The following PSD3 variants were observed in gnomAD, a reference collection of about 807,000 sequenced individuals.
PSD3 encodes PH and SEC7 domain-containing protein 3.
A neutral mutation model predicts 105.5 loss-of-function variants in PSD3; 49 were observed. That is an observed-to-expected ratio of 0.46 (90% CI 0.37 to 0.59). The LOEUF (loss-of-function observed/expected upper bound fraction) is 0.59, where lower values mean the gene tolerates loss of function less well. PSD3 is among the 20% of genes least tolerant of loss of function. PSD3 has a pLI of 0.00. For missense variants in PSD3, 1,561 were observed against 1,263.8 expected (o/e 1.24, Z -3.57); for synonymous variants, 557 against 457.8 (o/e 1.22, Z -2.77).
chr8:19,017,672 T>G (rs150519503), upstream of PSD3, among the ~76,000 whole-genome samples: 38 of 152,370 alleles, frequency 2.5e-4, no homozygotes, highest in East Asian at 7.1e-3. Context: ...ATGTGGTCTT[T>G]GTGACTGGCT....
intron 4 of PSD3, among the ~76,000 whole-genome samples, chr8:18,805,502 T>G (rs1811122329): frequency 6.6e-6 from 1 of 152,206 alleles, no homozygotes; most frequent in Non-Finnish European, 1.5e-5. Flanking sequence ...GTGGATATTC[T>G]TTTTTGATAC....
chr8:18,848,611 C>G (rs1274822236), intron 4 of PSD3, among the ~76,000 whole-genome samples: 1 of 152,220 alleles, frequency 6.6e-6, no homozygotes, highest in Admixed American at 6.5e-5. Flanking sequence ...TATGTTCTCT[C>G]TCATGTAGGG....
At chr8:18,566,768 A>C (rs1229542226) in intron 14 of PSD3, among the ~76,000 whole-genome samples, 1 of 151,854 alleles carries the variant, frequency 6.6e-6, no homozygotes, top group Non-Finnish European at 1.5e-5. Flanking sequence ...TCAATCCCTA[A>C]TTGTGATTAT....
intron 1 of PSD3, among the ~76,000 whole-genome samples, chr8:19,036,318 G>A (rs776838663): frequency 8.6e-5 from 13 of 152,000 alleles, no homozygotes; most frequent in Non-Finnish European, 1.8e-4. Flanking sequence ...TACCAGGAAG[G>A]TGCAGTTCCA....
At chr8:18,587,670 C>T (rs1001404538) in intron 12 of PSD3, among the ~76,000 whole-genome samples, 2 of 152,126 alleles carry the variant, frequency 1.3e-5, no homozygotes, top group Non-Finnish European at 2.9e-5. Context: ...GCTTAGGGGG[C>T]CTTCTTCAGT....
chr8:18,955,326 G>C (rs1242472819), intron 1 of PSD3, among the ~76,000 whole-genome samples: 1 of 152,122 alleles, frequency 6.6e-6, no homozygotes, highest in Non-Finnish European at 1.5e-5. Context: ...CTGCAGCCTT[G>C]AACTCCAGGA....
At chr8:18,589,325 C>T (rs908111706) in intron 12 of PSD3, among the ~76,000 whole-genome samples, 1 of 152,116 alleles carries the variant, frequency 6.6e-6, no homozygotes, top group African/African-American at 2.4e-5. Flanking sequence ...CTTGTCATGA[C>T]CCTCAAAGTA....
chr8:18,819,012 G>A lies in PSD3; in HGVS notation c.1635-14114C>T, dbSNP rs1347981296. On this transcript the variant is annotated intron_variant, in intron 4 of 15. Transcript: ENST00000327040. Reference sequence around the variant, plus strand: ...ATCCAGAGGAATTGTGGAGTAATCTGGACAAGCACCTACCTCTAGGCCACA... The same window carrying A: ...ATCCAGAGGAATTGTGGAGTAATCTAGACAAGCACCTACCTCTAGGCCACA... 3.9e-5 allele frequency among the ~76,000 whole-genome samples: 6 copies of A among 151,934 alleles called. No individual in the cohort carries two copies. In the East Asian group the frequency reaches 9.7e-4, roughly 25 times the overall value.
intron 4 of PSD3, among the ~76,000 whole-genome samples, chr8:18,816,221 T>G (rs2638663): frequency 0.54 from 81,636 of 152,070 alleles, 22,572 homozygotes; most frequent in East Asian, 0.89. Flanking sequence ...GTTTACTCTG[T>G]TTAATACACT....
intron 8 of PSD3, among the ~76,000 whole-genome samples, chr8:18,766,726 T>C (rs1444496509): frequency 1.3e-5 from 2 of 152,216 alleles, no homozygotes; most frequent in Non-Finnish European, 2.9e-5. Flanking sequence ...AAGGTATTTA[T>C]TACTTACACT....
chr8:18,805,041 T>A, intron 4 of PSD3, 143 bp from the exon 5 acceptor site: 2 of 759,706 alleles, frequency 2.6e-6, no homozygotes, highest in South Asian at 4.3e-5. Context: ...CATAAAAATT[T>A]TTTCAGTTAC....
At chr8:18,579,654 G>A (rs1309815102) in intron 12 of PSD3, among the ~76,000 whole-genome samples, 1 of 152,100 alleles carries the variant, frequency 6.6e-6, no homozygotes, top group East Asian at 1.9e-4. Flanking sequence ...CTCTTGTGAA[G>A]TTGAATCTTA....
At chr8:19,061,570 G>A (rs1828896352) in intron 1 of PSD3, among the ~76,000 whole-genome samples, 1 of 152,002 alleles carries the variant, frequency 6.6e-6, no homozygotes, top group Non-Finnish European at 1.5e-5. Flanking sequence ...CACTTTGGGA[G>A]GCCAAGGTGG....
chr8:18,933,616 T>C (rs1391544162), intron 2 of PSD3, among the ~76,000 whole-genome samples: 1 of 152,122 alleles, frequency 6.6e-6, no homozygotes, highest in Non-Finnish European at 1.5e-5. Context: ...TACAGGCACA[T>C]GTCACCATGG....
chr8:18,670,536 T>A (rs1799726414), intron 9 of PSD3, among the ~76,000 whole-genome samples: 1 of 151,986 alleles, frequency 6.6e-6, no homozygotes, highest in South Asian at 2.1e-4. Flanking sequence ...AGTGGCGGAT[T>A]AGGGACGGAT....
intron 8 of PSD3, among the ~76,000 whole-genome samples, chr8:18,770,051 C>T (rs1470070095): frequency 3.3e-5 from 5 of 152,164 alleles, no homozygotes; most frequent in Non-Finnish European, 7.3e-5. Context: ...AAGGAACTGC[C>T]AGACTCATTT....
intron 9 of PSD3, among the ~76,000 whole-genome samples, chr8:18,673,970 T>G (rs1799931609): frequency 6.6e-6 from 1 of 151,916 alleles, no homozygotes; most frequent in African/African-American, 2.4e-5. Flanking sequence ...AACAAGACCC[T>G]ATCTCTACAA....
chr8:18,616,760 A>G (rs988351378), intron 11 of PSD3, among the ~76,000 whole-genome samples: 1 of 149,668 alleles, frequency 6.7e-6, no homozygotes, highest in Non-Finnish European at 1.5e-5. Flanking sequence ...AGTAGCTGGG[A>G]CTACAGGCGC....
intron 11 of PSD3, among the ~76,000 whole-genome samples, chr8:18,614,572 A>T (rs542566400): frequency 1.3e-5 from 2 of 152,316 alleles, no homozygotes; most frequent in South Asian, 4.1e-4. Flanking sequence ...AATAAGGCTT[A>T]ATACATTACT....
Sources: gnomAD v4.1 joint callset for allele counts (sites outside exome capture counted in the v4.1 genomes callset) on GRCh38, gnomAD v4.1.1 for gene constraint, MANE v1.5 for transcripts, NCBI Gene and HGNC (gene_info 2026-07-23, HGNC 2026-07-21) for gene names.